Variants in CDC25C observed in about 807,000 individuals in gnomAD.
CDC25C encodes M-phase inducer phosphatase 3.
CDC25C carries 48 observed loss-of-function variants against 52.5 expected under a neutral mutation model. The observed-to-expected ratio is 0.91, with a 90% confidence interval of 0.72 to 1.16. The LOEUF is 1.16. Among genes scored for constraint, CDC25C ranks in the 50% most tolerant of loss-of-function variants. The pLI is 0.00. For missense variants in CDC25C, 510 were observed against 566.1 expected, an observed-to-expected ratio of 0.90 and a Z score of 1.01; for synonymous variants, 187 against 206.5, an observed-to-expected ratio of 0.91 and a Z score of 0.81.
rs746794248 is a variant in CDC25C, at chr5:138,338,049, A to T, written c.-81T>A. On this transcript the variant is annotated 5_prime_UTR_variant, in exon 1 of 6. Transcript: ENST00000510119. ...GATATTTTGGAGGGGGTGACTCGTT[A>T]GTGAGGAAACCACCCCCATCCCTAA... is the stretch of plus-strand genomic sequence containing the variant. 16 of 1,289,566 alleles carry T rather than the reference A, an allele frequency of 1.2e-5. No homozygotes were observed. In the South Asian group the frequency reaches 2.0e-4, roughly 16 times the overall value. 79.9% of individuals were successfully genotyped at this position (1,289,566 alleles called of 1,614,324 possible). A position where few individuals can be genotyped will look rare whatever the true frequency, so the allele number is the denominator to read the frequency against.
chr5:138,337,915 C>G (rs1166771945), intron 1 of CDC25C: 5 of 1,268,278 alleles, frequency 3.9e-6, no homozygotes, highest in South Asian at 1.2e-5. Context: ...TGCAGTTGGG[C>G]CGTTGGAGGG....
intron 7 of CDC25C, among the ~76,000 whole-genome samples, chr5:138,302,001 G>A (rs538005642): frequency 6.7e-6 from 1 of 148,892 alleles, no homozygotes; most frequent in African/African-American, 2.5e-5. Flanking sequence ...CACTGTGCCC[G>A]GCCTTTTTAT....
intron 7 of CDC25C, among the ~76,000 whole-genome samples, chr5:138,305,616 G>A (rs999854918): frequency 6.6e-6 from 1 of 152,090 alleles, no homozygotes; most frequent in African/African-American, 2.4e-5. Context: ...GCCTAGGCTG[G>A]TCTCAAACTT....
At chr5:138,289,996 G>A (rs1197266196) in intron 9 of CDC25C, among the ~76,000 whole-genome samples, 1 of 151,986 alleles carries the variant, frequency 6.6e-6, no homozygotes, top group Non-Finnish European at 1.5e-5. Context: ...GAGGCCAGGA[G>A]CTCGAGGCTG....
intron 7 of CDC25C, among the ~76,000 whole-genome samples, 161 bp from the exon 8 acceptor site, chr5:138,292,277 C>T (rs1756797975): frequency 6.6e-6 from 1 of 152,014 alleles, no homozygotes. Context: ...ACAAGATGCC[C>T]AGGTGATTTC....
intron 6 of CDC25C, 33 bp from the exon 7 acceptor site, chr5:138,319,407 T>C: frequency 2.0e-6 from 3 of 1,503,968 alleles, no homozygotes; most frequent in Admixed American, 2.0e-5. Context: ...TAAAAACTAT[T>C]CAAAATATAT....
At chr5:138,328,297 C>G (rs1192634941) in intron 4 of CDC25C, among the ~76,000 whole-genome samples, 187 bp downstream of exon 4, 1 of 152,148 alleles carries the variant, frequency 6.6e-6, no homozygotes, top group Admixed American at 6.5e-5. Context: ...AATGAATAGC[C>G]TTCATTTTCA....
At position 138,325,867 on chromosome 5, in the gene CDC25C, C is replaced by T. The variant is rs372372878; in HGVS notation, c.407G>A (p.Arg136His). Residue 136 changes from arginine to histidine, a missense_variant, in exon 6 of 14, where the codon CGT (arginine) becomes CAT (histidine). Arg to His is a conservative substitution (Grantham distance 29). Transcript: ENST00000323760. The stretch of plus-strand genomic sequence containing the variant: ...CATTGCATCTCTCTTTCTATGGCCA[C>T]GGTCCAAACCATTCGGAGTGCTACA... ...LLCSTPNGLD[R>H]GHRKRDAMCS... 203 of 1,613,964 alleles carry T rather than the reference C, an allele frequency of 1.3e-4. No individual in the cohort carries two copies. Among genetic ancestry groups the T allele is most frequent in the Middle Eastern group, 1.6e-4 (1 of 6,084 alleles).
intron 7 of CDC25C, among the ~76,000 whole-genome samples, chr5:138,303,382 T>A (rs1757774971): frequency 6.6e-6 from 1 of 151,996 alleles, no homozygotes. Flanking sequence ...GATGCTTCCA[T>A]CTGACTCGGT....
At chr5:138,322,528 T>A (rs1759512296) in intron 6 of CDC25C, among the ~76,000 whole-genome samples, 1 of 130,710 alleles carries the variant, frequency 7.7e-6, no homozygotes, top group Admixed American at 9.2e-5. Context: ...CAGACTGGAG[T>A]ACAGTGGCAC....
At chr5:138,302,862 C>A (rs1381639185) in intron 7 of CDC25C, among the ~76,000 whole-genome samples, 1 of 150,848 alleles carries the variant, frequency 6.6e-6, no homozygotes, top group Non-Finnish European at 1.5e-5. Flanking sequence ...GAGTTCAAGA[C>A]CAGCCTGGAC....
chr5:138,326,174 T>C, intron 4 of CDC25C, 120 bp from the exon 5 acceptor site: 7 of 992,718 alleles, frequency 7.1e-6, no homozygotes, highest in Non-Finnish European at 1.1e-5. Flanking sequence ...TCCTAGTTGA[T>C]ATGTCTCTTC....
intron 6 of CDC25C, among the ~76,000 whole-genome samples, chr5:138,325,351 C>G (rs1238894244): frequency 1.3e-5 from 2 of 151,894 alleles, no homozygotes; most frequent in African/African-American, 4.8e-5. Flanking sequence ...CGACGGATGG[C>G]CTAAGGTTTA....
At chr5:138,301,779 C>T (rs1279486253) in intron 7 of CDC25C, among the ~76,000 whole-genome samples, 1 of 149,610 alleles carries the variant, frequency 6.7e-6, no homozygotes, top group African/African-American at 2.5e-5. Flanking sequence ...TCTCAGCTCA[C>T]TGCAACCTCT....
chr5:138,286,421 CTCTG>C, intron 12 of CDC25C, 72 bp downstream of exon 12: 1 of 1,413,962 alleles, frequency 7.1e-7, no homozygotes, highest in East Asian at 2.3e-5. Context: ...TCCAGTCAGT[CTCTG>C]TCTGAACTGG....
At chr5:138,317,966 C>T (rs188991815) in intron 7 of CDC25C, among the ~76,000 whole-genome samples, 5 of 152,270 alleles carry the variant, frequency 3.3e-5, no homozygotes, top group African/African-American at 4.8e-5. Flanking sequence ...TGACTGGAAC[C>T]TGTTCACCAG....
intron 7 of CDC25C, among the ~76,000 whole-genome samples, chr5:138,303,362 C>T (rs1173679352): frequency 2.0e-5 from 3 of 152,078 alleles, no homozygotes; most frequent in African/African-American, 7.2e-5. Flanking sequence ...TGCAGTAGTA[C>T]ACATGAGGAG....
rs749078522 is a variant in CDC25C at position 138,286,648 on chromosome 5, TA to T, written c.1027-19del. The T allele has an allele frequency of 5.0e-6, 8 of 1,603,652 alleles. No individual in the cohort carries two copies. The highest frequency in any genetic ancestry group is 6.8e-6 in the Non-Finnish European group (8 of 1,174,370). Reference sequence around the variant, plus strand: ...AAGGCTCCCTGTAGAAGAAGAATTTTAGTAAGTATTTCCTCAGGGGCTTATA... The same window carrying T: ...AAGGCTCCCTGTAGAAGAAGAATTTTGTAAGTATTTCCTCAGGGGCTTATA... On this transcript the variant is annotated intron_variant, in intron 11 of 13. Transcript: ENST00000323760.
At chr5:138,324,257 T>G (rs960515062) in intron 6 of CDC25C, among the ~76,000 whole-genome samples, 2 of 151,194 alleles carry the variant, frequency 1.3e-5, no homozygotes, top group African/African-American at 4.9e-5. Flanking sequence ...GGTGACAGAG[T>G]GAGACTCTGT....
Sources: allele counts gnomAD v4.1 joint callset (sites outside exome capture counted in the v4.1 genomes callset), GRCh38; gene constraint gnomAD v4.1.1; transcripts MANE v1.5; gene names NCBI Gene and HGNC (gene_info 2026-07-23, HGNC 2026-07-21).